Variants in DAPP1 observed in about 807,000 individuals in gnomAD.
The protein encoded by DAPP1 is dual adapter for phosphotyrosine and 3-phosphotyrosine and 3-phosphoinositide.
In DAPP1, 20 loss-of-function variants were observed where a neutral mutation model predicts 41.5. The observed-to-expected ratio is 0.48, with a 90% CI of 0.34 to 0.70. The LOEUF is 0.70. DAPP1 is among the 30% of genes least tolerant of loss of function. The pLI, the probability that DAPP1 is intolerant of heterozygous loss-of-function variation, is 0.01. For synonymous variants in DAPP1, 113 were observed against 116.2 expected (o/e 0.97, Z 0.18); for missense variants, 233 against 333.4 (o/e 0.70, Z 2.35).
chr4:99,851,906 A>G (rs1018296630), intron 3 of DAPP1, among the ~76,000 whole-genome samples: 1 of 151,518 alleles, frequency 6.6e-6, no homozygotes, highest in Non-Finnish European at 1.5e-5. Flanking sequence ...CACAGAGGAG[A>G]CATTTTTCTT....
rs1400925841 is a variant in DAPP1, at chr4:99,858,577, A to G, written c.490-3001A>G. Among the ~76,000 whole-genome samples the G allele has an allele frequency of 2.6e-5, 4 of 152,234 alleles. No individual in the cohort carries two copies. The East Asian group carries it at 7.7e-4, about 29-fold the overall frequency. On this transcript the variant is annotated intron_variant, in intron 4 of 8. Coordinates refer to ENST00000512369, the MANE Select transcript of DAPP1 (RefSeq NM_014395.3). ...GTTTGGGGTGAGGTTATTTGAGACT[A>G]TAAGAATATTCTGTTACTTATTAAA...
intron 8 of DAPP1, chr4:99,866,496 G>C: frequency 1.3e-6 from 1 of 761,626 alleles, no homozygotes; most frequent in Admixed American, 1.7e-5. Context: ...TAAATTGTTA[G>C]AGAAGAAAGT....
At chr4:99,852,785 G>A (rs1291138773) in intron 3 of DAPP1, among the ~76,000 whole-genome samples, 1 of 152,148 alleles carries the variant, frequency 6.6e-6, no homozygotes, top group Non-Finnish European at 1.5e-5. Flanking sequence ...GTTTAGTCTT[G>A]TTCTCATGGC....
chr4:99,842,852 CTTTTT>C (rs1297681743), intron 3 of DAPP1, among the ~76,000 whole-genome samples: 1 of 137,656 alleles, frequency 7.3e-6, no homozygotes, highest in African/African-American at 2.8e-5. Flanking sequence ...ATATTTCTTT[CTTTTT>C]TTTTTTTTTT....
At chr4:99,829,813 A>G (rs1351198158) in intron 1 of DAPP1, among the ~76,000 whole-genome samples, 1 of 152,220 alleles carries the variant, frequency 6.6e-6, no homozygotes, top group African/African-American at 2.4e-5. Flanking sequence ...AGAGACAATC[A>G]AATACCAGAC....
intron 4 of DAPP1, among the ~76,000 whole-genome samples, chr4:99,857,783 TTAAC>T (rs1248945323): frequency 6.6e-6 from 1 of 151,874 alleles, no homozygotes; most frequent in Non-Finnish European, 1.5e-5. Flanking sequence ...TCTTGTTTAA[TTAAC>T]TATATATTTA....
chr4:99,863,146 C>T, intron 6 of DAPP1, 74 bp downstream of exon 6: 1 of 909,066 alleles, frequency 1.1e-6, no homozygotes, highest in Non-Finnish European at 1.6e-6. Flanking sequence ...TCTTTAAAAT[C>T]TCTGAAATTA....
At chr4:99,850,802 T>C (rs1723828678) in intron 3 of DAPP1, among the ~76,000 whole-genome samples, 1 of 151,986 alleles carries the variant, frequency 6.6e-6, no homozygotes, top group African/African-American at 2.4e-5. Flanking sequence ...CAAATTTTAT[T>C]TAAGGATTTA....
intron 4 of DAPP1, 41 bp downstream of exon 4, chr4:99,853,389 T>C (rs768974945): frequency 9.5e-6 from 15 of 1,574,736 alleles, no homozygotes; most frequent in Non-Finnish European, 1.3e-5. Flanking sequence ...TCTCCCTGTC[T>C]AAAATCAATC....
intron 1 of DAPP1, among the ~76,000 whole-genome samples, chr4:99,826,097 G>A (rs1365491): frequency 0.32 from 49,336 of 152,104 alleles, 8,522 homozygotes; most frequent in African/African-American, 0.44. Context: ...AAACCTTAGA[G>A]TGTGAACGCC....
chr4:99,856,592 G>A (rs546279377), intron 4 of DAPP1, among the ~76,000 whole-genome samples: 1 of 152,162 alleles, frequency 6.6e-6, no homozygotes, highest in Admixed American at 6.5e-5. Flanking sequence ...AGAAATATGA[G>A]TGTTTCTGTT....
chr4:99,853,259 G>A lies in DAPP1; in HGVS notation c.400G>A (p.Glu134Lys), dbSNP rs760451809. Residue 134 changes from glutamate (E) to lysine (K), a missense_variant, in exon 4 of 9, where the codon GAA (glutamate) becomes AAA (lysine). Coordinates refer to ENST00000512369, the MANE Select transcript of DAPP1 (RefSeq NM_014395.3). ...AAAACATCCCTACCCAAGAAAAGTG[G>A]AAGAACCCTCCATTTATGAATCTGT... ...VLKHPYPRKV[E>K]EPSIYESVRV... is the part of the protein sequence containing the mutation. 6.2e-7 allele frequency: 1 copy of A among 1,613,862 alleles called. No individual in the cohort carries two copies. The highest frequency in any genetic ancestry group is 8.5e-7 in the Non-Finnish European group (1 of 1,179,860).
At chr4:99,848,652 CA>C (rs1723754111) in intron 3 of DAPP1, among the ~76,000 whole-genome samples, 1 of 152,174 alleles carries the variant, frequency 6.6e-6, no homozygotes, top group Admixed American at 6.5e-5. Flanking sequence ...GGCTTTCAGT[CA>C]ATTGATGTGT....
At chr4:99,850,401 C>T (rs1723813737) in intron 3 of DAPP1, among the ~76,000 whole-genome samples, 1 of 151,466 alleles carries the variant, frequency 6.6e-6, no homozygotes, top group Non-Finnish European at 1.5e-5. Flanking sequence ...CAGAGCAAGA[C>T]TCCGCCTCAA....
intron 3 of DAPP1, among the ~76,000 whole-genome samples, chr4:99,843,208 G>A (rs930527119): frequency 6.6e-6 from 1 of 152,264 alleles, no homozygotes; most frequent in Admixed American, 6.5e-5. Context: ...GGCACAAGTG[G>A]TATTACCTTT....
rs1206374972 is a variant in DAPP1, at chr4:99,861,692, C to T, written c.537+67C>T. On this transcript the variant is annotated intron_variant, in intron 5 of 8. Transcript: ENST00000512369. The stretch of plus-strand genomic sequence containing the variant: ...GAGAACACGTCATGTAGACTCAATT[C>T]TCATCTTGATAGTTTTTCTTGGAAG... 6.0e-6 allele frequency: 9 copies of T among 1,498,322 alleles called. 1 individual carries two copies. The East Asian group carries it at 2.2e-4, about 37-fold the overall frequency. The allele number at this position is 1,498,322 out of a possible 1,614,324, so 92.8% of individuals were successfully genotyped here. A position where few individuals can be genotyped will look rare whatever the true frequency, so the allele number is the denominator to read the frequency against.
downstream of DAPP1, among the ~76,000 whole-genome samples, chr4:99,870,485 AG>A (rs1245875341): frequency 6.6e-6 from 1 of 152,134 alleles, no homozygotes; most frequent in East Asian, 1.9e-4. Context: ...TGACATGAAA[AG>A]GGTGAGCTAA....
chr4:99,864,409 C>T (rs1201468977), intron 7 of DAPP1: 1 of 151,994 alleles, frequency 6.6e-6, no homozygotes, highest in Admixed American at 6.6e-5. Flanking sequence ...TTGCTTTATC[C>T]TAGTCTATCC....
At chr4:99,856,310 C>T (rs1724042160) in intron 4 of DAPP1, among the ~76,000 whole-genome samples, 1 of 152,064 alleles carries the variant, frequency 6.6e-6, no homozygotes, top group Non-Finnish European at 1.5e-5. Flanking sequence ...AGGGAGGCCT[C>T]TGTGAGGAGG....
Sources: allele counts gnomAD v4.1 joint callset (sites outside exome capture counted in the v4.1 genomes callset), GRCh38; gene constraint gnomAD v4.1.1; transcripts MANE v1.5; gene names NCBI Gene and HGNC (gene_info 2026-07-23, HGNC 2026-07-21).